AKR1E2: variants seen among roughly 807,000 people sequenced by gnomAD.
AKR1E2 encodes the protein 1,5-anhydro-D-fructose reductase.
AKR1E2 carries 43 observed loss-of-function variants against 41.9 expected under a neutral mutation model. The observed-to-expected ratio is 1.03, with a 90% confidence interval of 0.80 to 1.32. AKR1E2 has a LOEUF of 1.32. AKR1E2 is among the 40% of genes most tolerant of loss of function. AKR1E2 has a pLI of 0.00. For synonymous variants in AKR1E2, 121 were observed against 138.9 expected (o/e 0.87, Z 0.91); for missense variants, 423 against 396.5 (o/e 1.07, Z -0.57).
chr10:4,861,975 T>A, the AKR1E2 span, among the ~76,000 whole-genome samples: 1 of 152,188 alleles, frequency 6.6e-6, no homozygotes, highest in Non-Finnish European at 1.5e-5. Flanking sequence ...TTGCCATTGT[T>A]TTTGGTGTTT....
chr10:4,825,549 C>A (rs1832411673), upstream of AKR1E2, among the ~76,000 whole-genome samples: 1 of 152,188 alleles, frequency 6.6e-6, no homozygotes, highest in Admixed American at 6.5e-5. Context: ...CCCTGCACCA[C>A]CCAGGACCCC....
At chr10:4,854,927 G>A in the AKR1E2 span, among the ~76,000 whole-genome samples, 1 of 152,178 alleles carries the variant, frequency 6.6e-6, no homozygotes. Flanking sequence ...AACTGCTATT[G>A]TCTTTGGAAT....
intron 8 of AKR1E2, chr10:4,845,815 A>G (rs544421420): frequency 1.3e-4 from 62 of 471,140 alleles, no homozygotes; most frequent in Admixed American, 6.6e-4. Flanking sequence ...ATCCTCAGGC[A>G]GTGAGACAGG....
chr10:4,868,840 CTG>C, the AKR1E2 span, among the ~76,000 whole-genome samples: 2 of 152,070 alleles, frequency 1.3e-5, no homozygotes, highest in Non-Finnish European at 1.5e-5. Context: ...ATTATATTAA[CTG>C]ATTTTTGAAC....
At chr10:4,828,083 C>T (rs1832689230) in intron 1 of AKR1E2, among the ~76,000 whole-genome samples, 2 of 152,188 alleles carry the variant, frequency 1.3e-5, no homozygotes, top group South Asian at 2.1e-4. Context: ...ACATCACAGA[C>T]CTATCCGTTA....
upstream of AKR1E2, chr10:4,826,190 T>A (rs1167499823): frequency 1.5e-5 from 9 of 618,364 alleles, no homozygotes; most frequent in Middle Eastern, 1.0e-3. Context: ...CTTCCAGCCA[T>A]TGTCGGAGTG....
intron 6 of AKR1E2, among the ~76,000 whole-genome samples, chr10:4,841,140 GGGGT>G (rs1205246311): frequency 2.6e-5 from 4 of 152,090 alleles, no homozygotes; most frequent in Admixed American, 1.3e-4. Flanking sequence ...CAGACTGACT[GGGGT>G]GGGCAACTGG....
intron 2 of AKR1E2, among the ~76,000 whole-genome samples, chr10:4,831,049 A>G (rs1241898933): frequency 1.3e-5 from 2 of 152,266 alleles, no homozygotes; most frequent in African/African-American, 2.4e-5. Context: ...AGGAGTACAC[A>G]GATATCCCCC....
In AKR1E2 at chr10:4,847,696, G is replaced by C; in HGVS notation, c.*166G>C. The C allele has an allele frequency of 1.3e-6, 1 of 760,590 alleles. No homozygotes were observed. The highest frequency in any genetic ancestry group is 2.2e-6 in the Non-Finnish European group (1 of 458,564). The allele number at this position is 760,590 out of a possible 1,614,324, so 47.1% of individuals were successfully genotyped here. ...CCTTCTCTGACAAATCTGGAGAATT[G>C]AGTGTGTTCTAAGTGAAGGCAATGG... On this transcript the variant is annotated 3_prime_UTR_variant, in exon 10 of 10. Coordinates refer to ENST00000298375, the MANE Select transcript of AKR1E2 (RefSeq NM_001040177.3).
At chr10:4,841,475 C>T (rs1351760877) in intron 6 of AKR1E2, among the ~76,000 whole-genome samples, 2 of 151,946 alleles carry the variant, frequency 1.3e-5, no homozygotes, top group Non-Finnish European at 2.9e-5. Context: ...CCCTGAGAGT[C>T]GGGGGAGTCA....
At chr10:4,854,699 G>A in the AKR1E2 span, among the ~76,000 whole-genome samples, 81 of 152,316 alleles carry the variant, frequency 5.3e-4, no homozygotes, top group Admixed American at 8.5e-4. Context: ...CTTTGGGTAA[G>A]TGGGGTGTGT....
intron 6 of AKR1E2, 101 bp from the exon 7 acceptor site, chr10:4,841,684 G>A (rs1055816497): frequency 1.1e-6 from 1 of 935,422 alleles, no homozygotes; most frequent in Non-Finnish European, 1.5e-6. Flanking sequence ...GTCATGATCA[G>A]AAAATAAATC....
At chr10:4,836,062 T>C (rs1484506116) in intron 4 of AKR1E2, among the ~76,000 whole-genome samples, 3 of 152,220 alleles carry the variant, frequency 2.0e-5, no homozygotes, top group Non-Finnish European at 4.4e-5. Context: ...ACTTTTTTTC[T>C]CAAATATTTA....
At chr10:4,868,049 T>A in the AKR1E2 span, among the ~76,000 whole-genome samples, 2 of 152,150 alleles carry the variant, frequency 1.3e-5, no homozygotes, top group African/African-American at 2.4e-5. Context: ...GGAAATAATG[T>A]GGGCTCTTTC....
At chr10:4,826,471 C>T (rs1362368799) in intron 1 of AKR1E2, 108 bp downstream of exon 1, 3 of 1,037,580 alleles carry the variant, frequency 2.9e-6, no homozygotes, top group Non-Finnish European at 3.7e-6. Context: ...GCGGCCTCCC[C>T]TCCGCCTGGC....
rs1277394283 is a variant in AKR1E2, at chr10:4,827,300, GTTA to G, written c.39+943_39+945del. ...ATTAACATATCTATCACCTCTCTCA[GTTA>G]TTATTGTTTGTGGTAAGATGTTTGA... On this transcript the variant is annotated intron_variant, in intron 1 of 9. Coordinates refer to ENST00000298375, the MANE Select transcript of AKR1E2 (RefSeq NM_001040177.3). 2.0e-5 allele frequency among the ~76,000 whole-genome samples: 3 copies of G among 150,354 alleles called. No individual in the cohort carries two copies. In the South Asian group the frequency reaches 6.3e-4, roughly 31 times the overall value.
At chr10:4,828,250 G>A (rs12571691) in intron 1 of AKR1E2, among the ~76,000 whole-genome samples, 5,389 of 152,248 alleles carry the variant, frequency 0.035, 150 homozygotes, top group East Asian at 0.11. Context: ...ACTTGGCTCC[G>A]CACATCTCCT....
In AKR1E2 at chr10:4,841,803, A is replaced by G. The variant is rs1172443079; in HGVS notation, c.699A>G (p.Ile233Met). ...LGGSCEGVDL[I>M]DNPVIKRIAK... ...TCTCTAGTGAGGGGGTTGACCTGATAGACAACCCTGTGATCAAGAGGATTG... is the reference window on the plus strand; with the variant it reads ...TCTCTAGTGAGGGGGTTGACCTGATGGACAACCCTGTGATCAAGAGGATTG... The change falls in exon 7 of 10, where the codon ATA becomes ATG. Residue 233 changes from isoleucine (I) to methionine (M), a missense_variant. Coordinates refer to ENST00000298375, the MANE Select transcript of AKR1E2 (RefSeq NM_001040177.3). 4 of 1,612,996 alleles carry G rather than the reference A, an allele frequency of 2.5e-6. No homozygotes were observed. Among genetic ancestry groups the G allele is most frequent in the Non-Finnish European group, 2.5e-6 (3 of 1,179,434 alleles).
At chr10:4,850,061 A>G (rs1834494924), downstream of AKR1E2, among the ~76,000 whole-genome samples, 3 of 152,160 alleles carry the variant, frequency 2.0e-5, no homozygotes, top group Admixed American at 2.0e-4. Flanking sequence ...CCCTTTTCAG[A>G]TGGTAATTGA....
Sources: allele counts gnomAD v4.1 joint callset (sites outside exome capture counted in the v4.1 genomes callset), GRCh38; gene constraint gnomAD v4.1.1; transcripts MANE v1.5; gene names NCBI Gene and HGNC (gene_info 2026-07-23, HGNC 2026-07-21).